Variants in MAP3K10 observed in about 807,000 individuals in gnomAD.
MAP3K10 encodes MKN28 derived nonreceptor_type serine/threonine kinase.
In MAP3K10, 22 loss-of-function variants were observed where a neutral mutation model predicts 75.0. That is an observed-to-expected ratio of 0.29 (90% CI 0.21 to 0.42). The LOEUF is 0.42. Among genes scored for constraint, MAP3K10 ranks in the 10% least tolerant of loss-of-function variants. MAP3K10 has a pLI of 1.00. For missense variants in MAP3K10, 1,165 were observed against 1,379.8 expected (o/e 0.84, Z 2.47); for synonymous variants, 599 against 612.9 (o/e 0.98, Z 0.34).
chr19:40,214,010 A>ACCCCCCCCCCCCCCCCCCCC lies in MAP3K10; in HGVS notation c.2334_2335insCCCCCCCCCCCCCCCCCCCC (p.Ser779ProfsTer50). 2.8e-6 allele frequency: 2 copies of ACCCCCCCCCCCCCCCCCCCC among 726,372 alleles called. No individual in the cohort carries two copies. Among genetic ancestry groups the ACCCCCCCCCCCCCCCCCCCC allele is most frequent in the East Asian group, 5.4e-5 (1 of 18,438 alleles). The allele number at this position is 726,372 out of a possible 1,614,324, so 45.0% of individuals were successfully genotyped here. A position where few individuals can be genotyped will look rare whatever the true frequency, so the allele number is the denominator to read the frequency against. On this transcript the variant is annotated frameshift_variant, in exon 9 of 10. Coordinates refer to ENST00000253055, the MANE Select transcript of MAP3K10 (RefSeq NM_002446.4). LOFTEE classifies it high-confidence loss of function. ...CCGCACCGGCCGCGCCCTCCCCACC[A>ACCCCCCCCCCCCCCCCCCCC]CCCTCCCCGCCCGCGCCCACACCCA...
Position 40,204,446 on chromosome 19 carries a change from TG to T in MAP3K10, c.864-36del, listed in dbSNP as rs1233927122. The T allele has an allele frequency of 6.3e-7, 1 of 1,594,780 alleles. No individual in the cohort carries two copies. ...GGCTGGGTATAGGTGAGGATTGGGG[TG>T]GGCTGCGACATCACCCCTCCCTCTC... On this transcript the variant is annotated intron_variant, in intron 2 of 9. Coordinates refer to ENST00000253055, the MANE Select transcript of MAP3K10 (RefSeq NM_002446.4). The surrounding 1 kb of genome is among the most constrained non-coding windows in gnomAD (Gnocchi z 4.3).
Position 40,209,952 on chromosome 19 carries a change from C to T in MAP3K10, c.1552+733C>T, listed in dbSNP as rs192849760. On this transcript the variant is annotated intron_variant, in intron 6 of 9. Transcript: ENST00000253055. ...TTCGACACCAGCCTGGGCAACAAAG[C>T]GAGACCCCATCTCTACTTAAAAACA... 4.6e-5 allele frequency among the ~76,000 whole-genome samples: 7 copies of T among 151,970 alleles called. No individual in the cohort carries two copies. In the East Asian group the frequency reaches 1.2e-3, roughly 25 times the overall value.
At position 40,213,315 on chromosome 19, in the gene MAP3K10, G is replaced by C. The variant is rs557745100; in HGVS notation, c.1837+127G>C. The C allele has an allele frequency of 6.9e-7, 1 of 1,450,058 alleles. No individual in the cohort carries two copies. Among genetic ancestry groups the C allele is most frequent in the South Asian group, 1.4e-5 (1 of 69,148 alleles). The allele number at this position is 1,450,058 out of a possible 1,614,324, so 89.8% of individuals were successfully genotyped here. A position where few individuals can be genotyped will look rare whatever the true frequency, so the allele number is the denominator to read the frequency against. On this transcript the variant is annotated intron_variant, in intron 8 of 9. Transcript: ENST00000253055. This position sits in a 1 kb window ranked among gnomAD's most constrained non-coding sequence, Gnocchi z 5.7. ...GGAAGGCCTTCCTGGGAAGGGAGAT[G>C]GTGGCCCCTGGGGCGTGGGGGGTCA...
Position 40,213,446 on chromosome 19 carries a change from G to A in MAP3K10, c.1838-71G>A. ...GCTGTTGGAGGGGTCATCGGGGGCT[G>A]TCCCTTGGCACAAGTCCCCGTGGGG... On this transcript the variant is annotated intron_variant, in intron 8 of 9. Coordinates refer to ENST00000253055, the MANE Select transcript of MAP3K10 (RefSeq NM_002446.4). This position sits in a 1 kb window ranked among gnomAD's most constrained non-coding sequence, Gnocchi z 5.7. 6.4e-7 allele frequency: 1 copy of A among 1,574,758 alleles called. No homozygotes were observed.
At chr19:40,208,810 G>T (rs1244733065) in intron 5 of MAP3K10, among the ~76,000 whole-genome samples, 2 of 151,990 alleles carry the variant, frequency 1.3e-5, no homozygotes, top group Non-Finnish European at 2.9e-5. Flanking sequence ...CTGAGGCCTA[G>T]GTCCTTGATC....
chr19:40,192,301 C>T lies in MAP3K10; in HGVS notation c.270C>T (p.Pro90=). 1.2e-6 allele frequency: 2 copies of T among 1,600,596 alleles called. No individual in the cohort carries two copies. The highest frequency in any genetic ancestry group is 1.7e-6 in the Non-Finnish European group (2 of 1,175,720). Residue 90 remains proline (P), a synonymous_variant, in exon 1 of 10, where the codon CCC becomes CCT. Coordinates refer to ENST00000253055, the MANE Select transcript of MAP3K10 (RefSeq NM_002446.4). This position sits in a 1 kb window ranked among gnomAD's most constrained non-coding sequence, Gnocchi z 7.1. ...CTGCACCCGCGGGCCTCCAGCTGCC[C>T]CAGGAGATCCCCTTCCACGAGCTGC... The part of the protein sequence containing the change: ...APAAPAGLQL[P]QEIPFHELQL...
At chr19:40,211,486 T>C (rs1973240107) in intron 6 of MAP3K10, among the ~76,000 whole-genome samples, 1 of 151,974 alleles carries the variant, frequency 6.6e-6, no homozygotes, top group African/African-American at 2.4e-5. Context: ...ACCTAGGTAG[T>C]AAGCCCATGC....
chr19:40,214,353 G>T lies in MAP3K10; in HGVS notation c.2542+132G>T, dbSNP rs1020349488. 56 of 1,126,546 alleles carry T rather than the reference G, an allele frequency of 5.0e-5. No homozygotes were observed. In the African/African-American group the frequency reaches 9.1e-4, roughly 18 times the overall value. The allele number at this position is 1,126,546 out of a possible 1,614,324, so 69.8% of individuals were successfully genotyped here. A position where few individuals can be genotyped will look rare whatever the true frequency, so the allele number is the denominator to read the frequency against. The stretch of plus-strand genomic sequence containing the variant: ...TTCTTGTGGAGGAGGGAGGGTCTGT[G>T]TCCCTTTACCGCTCACTCCTGGAGG... On this transcript the variant is annotated intron_variant, in intron 9 of 9. Coordinates refer to ENST00000253055, the MANE Select transcript of MAP3K10 (RefSeq NM_002446.4).
In MAP3K10 at chr19:40,214,046, C is replaced by A; in HGVS notation, c.2367C>A (p.Pro789=). 6.5e-7 allele frequency: 1 copy of A among 1,538,728 alleles called. No individual in the cohort carries two copies. ...SPPAPTPTPS[P]STNPLVDLEL... is the part of the protein sequence containing the mutation. ...CCGCGCCCACACCCACGCCCTCGCC[C>A]AGCACCAACCCCCTGGTGGACCTGG... The change falls in exon 9 of 10, where the codon CCC becomes CCA. Residue 789 remains proline (P), a synonymous_variant. Coordinates refer to ENST00000253055, the MANE Select transcript of MAP3K10 (RefSeq NM_002446.4).
In MAP3K10 at chr19:40,205,310, G is replaced by A. The variant is rs1172966647; in HGVS notation, c.1188+14G>A. 1.2e-6 allele frequency: 2 copies of A among 1,613,556 alleles called. No individual in the cohort carries two copies. The highest frequency in any genetic ancestry group is 1.3e-5 in the African/African-American group (1 of 75,050). ...ACCAAGGAGAAGGTGAAGGCAGGGG[G>A]CAAGGTGGGAAAGATGGAGCAAGAC... On this transcript the variant is annotated intron_variant, in intron 4 of 9. Transcript: ENST00000253055. This position sits in a 1 kb window ranked among gnomAD's most constrained non-coding sequence, Gnocchi z 4.3.
intron 2 of MAP3K10, among the ~76,000 whole-genome samples, chr19:40,202,923 G>T (rs1973053359): frequency 6.6e-6 from 1 of 152,234 alleles, no homozygotes; most frequent in Admixed American, 6.5e-5. Context: ...CATGTGGCCA[G>T]CTCAATTCAC....
rs184174838 is a variant in MAP3K10, at chr19:40,197,536, G to A, written c.683-839G>A. On this transcript the variant is annotated intron_variant, in intron 1 of 9. Coordinates refer to ENST00000253055, the MANE Select transcript of MAP3K10 (RefSeq NM_002446.4). ...AGATGAGGTTTCACCATGTTGGCCA[G>A]GCTGGTCTCGAACTCCTGACCTCAA... 1.4e-3 allele frequency among the ~76,000 whole-genome samples: 211 copies of A among 152,248 alleles called. 1 individual carries two copies. Among genetic ancestry groups the A allele is most frequent in the Middle Eastern group, 0.014 (4 of 294 alleles).
Position 40,192,518 on chromosome 19 carries a change from G to A in MAP3K10, c.487G>A (p.Ala163Thr), listed in dbSNP as rs1287031558. 8.1e-6 allele frequency: 13 copies of A among 1,613,494 alleles called. No individual in the cohort carries two copies. Among genetic ancestry groups the A allele is most frequent in the East Asian group, 6.7e-5 (3 of 44,878 alleles). ...QHPNIIALRG[A>T]CLNPPHLCLV... ...CCCCAACATAATTGCCCTTAGGGGCGCCTGCCTCAACCCCCCACACCTCTG... is the reference window on the plus strand; with the variant it reads ...CCCCAACATAATTGCCCTTAGGGGCACCTGCCTCAACCCCCCACACCTCTG... The change falls in exon 1 of 10, where the codon GCC becomes ACC. Residue 163 changes from alanine (A) to threonine (T), a missense_variant. Ala to Thr is a moderately conservative substitution (Grantham distance 58, BLOSUM62 0). Around this residue, in one of 2 missense-constraint regions of MAP3K10, gnomAD observed 575 missense variants for 793.2 expected, o/e 0.72. Transcript: ENST00000253055. This position sits in a 1 kb window ranked among gnomAD's most constrained non-coding sequence, Gnocchi z 7.1.
Position 40,204,858 on chromosome 19 carries a change from A to T in MAP3K10, c.1012+225A>T. 1 of 637,364 alleles carries T rather than the reference A, an allele frequency of 1.6e-6. No individual in the cohort carries two copies. Among genetic ancestry groups the T allele is most frequent in the Non-Finnish European group, 2.7e-6 (1 of 373,434 alleles). The allele number at this position is 637,364 out of a possible 1,614,324, so 39.5% of individuals were successfully genotyped here. On this transcript the variant is annotated intron_variant, in intron 3 of 9. Transcript: ENST00000253055. The surrounding 1 kb of genome is among the most constrained non-coding windows in gnomAD (Gnocchi z 4.3). Reference sequence around the variant, plus strand: ...AGAGCTCTCAGGACAACCTGTTAGGATTCCTTGGCCCTGGGATTCCACCTT... The same window carrying T: ...AGAGCTCTCAGGACAACCTGTTAGGTTTCCTTGGCCCTGGGATTCCACCTT...
At chr19:40,199,736 C>A (rs1337618322) in intron 2 of MAP3K10, among the ~76,000 whole-genome samples, 1 of 152,206 alleles carries the variant, frequency 6.6e-6, no homozygotes, top group African/African-American at 2.4e-5. Flanking sequence ...AATCCCAGTA[C>A]TTTGGGAGGC....
At chr19:40,200,736 A>G (rs1973002632) in intron 2 of MAP3K10, among the ~76,000 whole-genome samples, 1 of 147,034 alleles carries the variant, frequency 6.8e-6, no homozygotes, top group Non-Finnish European at 1.5e-5. Flanking sequence ...CTTGTGCCTC[A>G]GCCTCCCGAG....
At chr19:40,210,262 G>A (rs140820280) in intron 6 of MAP3K10, among the ~76,000 whole-genome samples, 17 of 152,120 alleles carry the variant, frequency 1.1e-4, no homozygotes, top group African/African-American at 2.9e-4. Flanking sequence ...GCGAGACTCC[G>A]TCTCAAAAAA....
rs199802354 is a variant in MAP3K10 at position 40,213,558 on chromosome 19, C to T, written c.1879C>T (p.Pro627Ser). ...AGAGGATGGAGGCAGCAGCGTGCCC[C>T]CTTCCCCCTACTCGACCCCGTCCTA... ...EAEDGGSSVP[P>S]SPYSTPSYLS... Residue 627 changes from proline (P) to serine (S), a missense_variant, in exon 9 of 10, where the codon CCT becomes TCT. Coordinates refer to ENST00000253055, the MANE Select transcript of MAP3K10 (RefSeq NM_002446.4). The surrounding 1 kb of genome is among the most constrained non-coding windows in gnomAD (Gnocchi z 5.7). 26 of 1,611,768 alleles carry T rather than the reference C, an allele frequency of 1.6e-5. No homozygotes were observed. In the Middle Eastern group the frequency reaches 5.0e-4, roughly 31 times the overall value.
intron 6 of MAP3K10, among the ~76,000 whole-genome samples, chr19:40,211,808 C>T (rs1973245893): frequency 6.6e-6 from 1 of 152,164 alleles, no homozygotes; most frequent in African/African-American, 2.4e-5. Context: ...ACTGCAACCT[C>T]TGCCTCCCAG....
Sources: allele counts gnomAD v4.1 joint callset (sites outside exome capture counted in the v4.1 genomes callset), GRCh38; gene constraint gnomAD v4.1.1; regional missense constraint gnomAD v4.1.1; non-coding constraint Gnocchi (gnomAD v3.1); transcripts MANE v1.5; gene names NCBI Gene and HGNC (gene_info 2026-07-23, HGNC 2026-07-21).